The following PTPRM variants were observed in gnomAD, a reference collection of about 807,000 sequenced individuals.
The protein encoded by PTPRM is receptor-type tyrosine-protein phosphatase mu.
In PTPRM, 47 loss-of-function variants were observed where a neutral mutation model predicts 186.7. That is an observed-to-expected ratio of 0.25 (90% CI 0.20 to 0.32). PTPRM has a LOEUF of 0.32. Ranked by LOEUF, PTPRM falls within the 10% of genes least tolerant of loss-of-function variation. The probability of loss-of-function intolerance (pLI) is 1.00; values close to 1 mark genes in which losing one functional copy is unlikely to be tolerated. For missense variants in PTPRM, 1,494 were observed against 1,865.0 expected (o/e 0.80, Z 3.66); for synonymous variants, 668 against 674.9 (o/e 0.99, Z 0.16).
chr18:7,930,970 C>T (rs1157107904), intron 5 of PTPRM, among the ~76,000 whole-genome samples: 2 of 151,898 alleles, frequency 1.3e-5, no homozygotes, highest in East Asian at 3.9e-4. Flanking sequence ...TTCTCTAGAA[C>T]ACTGAACAAT....
chr18:7,872,277 C>T (rs2048020766), intron 2 of PTPRM, among the ~76,000 whole-genome samples: 1 of 152,314 alleles, frequency 6.6e-6, no homozygotes, highest in African/African-American at 2.4e-5. Context: ...TTCAGACAAA[C>T]AATCCTTTGA....
intron 14 of PTPRM, among the ~76,000 whole-genome samples, chr18:8,242,038 A>G (rs2094438394): frequency 6.6e-6 from 1 of 152,154 alleles, no homozygotes; most frequent in Non-Finnish European, 1.5e-5. Flanking sequence ...CATAGCTTTT[A>G]TTGGCACATA....
intron 5 of PTPRM, among the ~76,000 whole-genome samples, chr18:7,945,171 C>T (rs73381838): frequency 3.3e-5 from 5 of 151,744 alleles, no homozygotes; most frequent in East Asian, 1.9e-4. Context: ...TGCAGAGTCC[C>T]GGCCGGGCGT....
At chr18:8,347,001 A>T (rs527719080) in intron 23 of PTPRM, among the ~76,000 whole-genome samples, 2 of 152,260 alleles carry the variant, frequency 1.3e-5, no homozygotes, top group East Asian at 3.9e-4. Context: ...ATCTGCTTTC[A>T]TGTGCTTGTG....
chr18:8,027,640 A>G (rs137919822), intron 7 of PTPRM, among the ~76,000 whole-genome samples: 15 of 152,332 alleles, frequency 9.8e-5, no homozygotes, highest in African/African-American at 3.1e-4. Flanking sequence ...TAACAAACCA[A>G]CATAGAACAG....
chr18:7,947,246 G>C (rs2052598145), intron 5 of PTPRM, among the ~76,000 whole-genome samples: 1 of 152,136 alleles, frequency 6.6e-6, no homozygotes, highest in Non-Finnish European at 1.5e-5. Context: ...CTGTGTCCTT[G>C]CGTATGCCTG....
intron 7 of PTPRM, among the ~76,000 whole-genome samples, chr18:7,984,708 A>G (rs1385566450): frequency 7.1e-6 from 1 of 141,506 alleles, no homozygotes; most frequent in South Asian, 2.1e-4. Context: ...ATAAAAATAT[A>G]TAAATATATG....
intron 14 of PTPRM, among the ~76,000 whole-genome samples, chr18:8,233,303 G>A (rs897767318): frequency 6.6e-6 from 1 of 152,180 alleles, no homozygotes; most frequent in African/African-American, 2.4e-5. Flanking sequence ...GAGGAGTCTT[G>A]TTGCTCTATA....
At chr18:8,262,708 C>A (rs896329149) in intron 19 of PTPRM, among the ~76,000 whole-genome samples, 1 of 152,168 alleles carries the variant, frequency 6.6e-6, no homozygotes, top group East Asian at 1.9e-4. Context: ...AATATATTAA[C>A]TGATAATACA....
intron 21 of PTPRM, among the ~76,000 whole-genome samples, chr18:8,315,716 T>G (rs1426083653): frequency 1.3e-5 from 2 of 152,228 alleles, no homozygotes; most frequent in Non-Finnish European, 2.9e-5. Flanking sequence ...GCTTCTTGAT[T>G]GAATATTACT....
chr18:7,928,790 T>C (rs2051319138), intron 5 of PTPRM, among the ~76,000 whole-genome samples: 1 of 152,232 alleles, frequency 6.6e-6, no homozygotes, highest in Non-Finnish European at 1.5e-5. Flanking sequence ...CATGATTTGC[T>C]CTTTTTATTT....
intron 1 of PTPRM, chr18:7,754,994 CGT>C (rs897085744): frequency 3.7e-4 from 57 of 152,370 alleles, no homozygotes; most frequent in African/African-American, 1.3e-3. Flanking sequence ...CAATCCTGTG[CGT>C]GTCTCCTCTT....
At chr18:8,362,021 G>A (rs563456285) in intron 23 of PTPRM, among the ~76,000 whole-genome samples, 1 of 152,300 alleles carries the variant, frequency 6.6e-6, no homozygotes, top group African/African-American at 2.4e-5. Flanking sequence ...AGGAGACCCA[G>A]TGCCTGAGCT....
chr18:7,718,486 C>T (rs1940345), intron 1 of PTPRM, among the ~76,000 whole-genome samples: 56,929 of 151,906 alleles, frequency 0.37, 12,412 homozygotes, highest in East Asian at 0.84. Context: ...AAAAACTCTT[C>T]TAGACGTTGG....
chr18:7,760,360 G>C (rs560136125), intron 1 of PTPRM, among the ~76,000 whole-genome samples: 1 of 152,222 alleles, frequency 6.6e-6, no homozygotes, highest in East Asian at 1.9e-4. Context: ...AGGCCTGGAA[G>C]AGTCTAGTAT....
chr18:7,707,108 C>T (rs145006722), intron 1 of PTPRM, among the ~76,000 whole-genome samples: 1 of 152,088 alleles, frequency 6.6e-6, no homozygotes, highest in African/African-American at 2.4e-5. Context: ...TAAAACCTGC[C>T]TCATGTATAA....
chr18:7,657,951 G>A (rs939242114), intron 1 of PTPRM, among the ~76,000 whole-genome samples: 3 of 152,066 alleles, frequency 2.0e-5, no homozygotes, highest in Non-Finnish European at 4.4e-5. Context: ...TATTTAAGGT[G>A]TACATCATGA....
Position 8,379,266 on chromosome 18 carries a change from C to T in PTPRM, c.3712C>T (p.Pro1238Ser). Residue 1238 changes from proline (P) to serine (S), a missense_variant, in exon 28 of 33, where the codon CCA (proline) becomes TCA (serine). By Grantham distance (74) the Pro-to-Ser change is moderately conservative (BLOSUM62 -1). Transcript: ENST00000580170. ...EKNRCMDILP[P>S]DRCLPFLITI... ...AAACCGGTGCATGGACATCCTGCCC[C>T]CAGACCGCTGCCTGCCCTTCCTCAT... 1 of 1,614,110 alleles carries T rather than the reference C, an allele frequency of 6.2e-7. No individual in the cohort carries two copies. Among genetic ancestry groups the T allele is most frequent in the Non-Finnish European group, 8.5e-7 (1 of 1,180,004 alleles).
At chr18:8,212,606 A>G (rs1286403542) in intron 14 of PTPRM, among the ~76,000 whole-genome samples, 1 of 152,066 alleles carries the variant, frequency 6.6e-6, no homozygotes, top group Non-Finnish European at 1.5e-5. Flanking sequence ...AAAGTCAGAG[A>G]CCAACCTGGG....
Sources: allele counts gnomAD v4.1 joint callset (sites outside exome capture counted in the v4.1 genomes callset), GRCh38; gene constraint gnomAD v4.1.1; transcripts MANE v1.5; gene names NCBI Gene and HGNC (gene_info 2026-07-23, HGNC 2026-07-21).